The following SPATA16 variants were observed in gnomAD, a reference collection of about 807,000 sequenced individuals.
SPATA16 encodes the protein spermatogenesis associated 16.
In SPATA16, 36 loss-of-function variants were observed where a neutral mutation model predicts 63.3. That is an observed-to-expected ratio of 0.57 (90% CI 0.44 to 0.75). The LOEUF is 0.75. SPATA16 is among the 30% of genes least tolerant of loss of function. The pLI is 0.00. For missense variants in SPATA16, 646 were observed against 679.3 expected (o/e 0.95, Z 0.54); for synonymous variants, 203 against 216.7 (o/e 0.94, Z 0.56).
chr3:173,035,578 G>GA (rs1735698574), intron 3 of SPATA16, among the ~76,000 whole-genome samples: 4 of 152,048 alleles, frequency 2.6e-5, no homozygotes, highest in Admixed American at 2.6e-4. Context: ...TTTTATGAAA[G>GA]AAACTACTAA....
chr3:173,033,901 C>G (rs1454155386), intron 3 of SPATA16, among the ~76,000 whole-genome samples: 1 of 152,006 alleles, frequency 6.6e-6, no homozygotes, highest in Non-Finnish European at 1.5e-5. Context: ...GACGGGGTTT[C>G]ACTATGTTGG....
At chr3:173,020,082 G>A (rs1735289625) in intron 3 of SPATA16, among the ~76,000 whole-genome samples, 1 of 151,978 alleles carries the variant, frequency 6.6e-6, no homozygotes, top group South Asian at 2.1e-4. Flanking sequence ...GATCACCTGA[G>A]GTCATGAGTT....
intron 2 of SPATA16, among the ~76,000 whole-genome samples, chr3:173,071,682 A>G (rs1426855369): frequency 6.6e-6 from 1 of 152,202 alleles, no homozygotes. Context: ...AGACATGCAA[A>G]TGGCCAACAG....
intron 2 of SPATA16, among the ~76,000 whole-genome samples, chr3:173,082,589 T>A (rs1736950519): frequency 6.6e-6 from 1 of 152,184 alleles, no homozygotes; most frequent in Non-Finnish European, 1.5e-5. Context: ...CTTCTGCCTG[T>A]GGGAGCAGGT....
intron 3 of SPATA16, among the ~76,000 whole-genome samples, chr3:173,028,488 A>C (rs1318896199): frequency 6.6e-6 from 1 of 151,966 alleles, no homozygotes; most frequent in Non-Finnish European, 1.5e-5. Flanking sequence ...AAGAAATTGA[A>C]AGGATGTCGA....
At chr3:172,899,044 A>T (rs1277954400) in intron 10 of SPATA16, among the ~76,000 whole-genome samples, 4 of 151,970 alleles carry the variant, frequency 2.6e-5, no homozygotes, top group African/African-American at 4.8e-5. Context: ...CACATTCTTT[A>T]TGATTTCAGT....
Position 173,036,516 on chromosome 3 carries a change from A to G in SPATA16, c.758+12433T>C, listed in dbSNP as rs553429941. Among the ~76,000 whole-genome samples, 3 of 152,192 alleles carry G rather than the reference A, an allele frequency of 2.0e-5. No individual in the cohort carries two copies. In the East Asian group the frequency reaches 5.8e-4, roughly 29 times the overall value. ...TAACTCATGAATGGATAAACAATCCAATCAAAGTATAAGATGAACTAATGG... is the reference window on the plus strand; with the variant it reads ...TAACTCATGAATGGATAAACAATCCGATCAAAGTATAAGATGAACTAATGG... On this transcript the variant is annotated intron_variant, in intron 3 of 10. Transcript: ENST00000351008.
At chr3:172,997,398 C>T (rs940543473) in intron 4 of SPATA16, among the ~76,000 whole-genome samples, 1 of 152,074 alleles carries the variant, frequency 6.6e-6, no homozygotes, top group African/African-American at 2.4e-5. Flanking sequence ...TGAGTACTTG[C>T]CACCTGTATA....
At chr3:173,060,063 C>A (rs1173028958) in intron 2 of SPATA16, among the ~76,000 whole-genome samples, 2 of 151,778 alleles carry the variant, frequency 1.3e-5, no homozygotes, top group African/African-American at 2.4e-5. Flanking sequence ...TTGAGACCAG[C>A]CTGGCCAACA....
intron 1 of SPATA16, among the ~76,000 whole-genome samples, chr3:173,129,169 T>C (rs1428060016): frequency 6.6e-6 from 1 of 152,194 alleles, no homozygotes; most frequent in Non-Finnish European, 1.5e-5. Context: ...ATAAATAAAA[T>C]GGATTGTGCT....
intron 6 of SPATA16, among the ~76,000 whole-genome samples, chr3:172,930,553 CTTTTTTT>C (rs34780432): frequency 4.1e-4 from 36 of 87,390 alleles, no homozygotes; most frequent in African/African-American, 1.2e-3. Context: ...CATTCAAACT[CTTTTTTT>C]TTTTTTTTTT....
chr3:173,135,802 G>A (rs1180685597), intron 1 of SPATA16, among the ~76,000 whole-genome samples: 2 of 152,184 alleles, frequency 1.3e-5, no homozygotes, highest in Non-Finnish European at 1.5e-5. Flanking sequence ...AACTCGAATG[G>A]AACAGGGGGA....
chr3:172,920,674 A>C (rs914015470), intron 8 of SPATA16, among the ~76,000 whole-genome samples: 17 of 152,330 alleles, frequency 1.1e-4, no homozygotes, highest in African/African-American at 3.1e-4. Flanking sequence ...CTTTTTTCTA[A>C]TTAGATATTA....
chr3:173,120,316 G>A (rs1328502833), intron 1 of SPATA16, among the ~76,000 whole-genome samples: 1 of 152,152 alleles, frequency 6.6e-6, no homozygotes, highest in Admixed American at 6.5e-5. Flanking sequence ...CTCCGGCTAT[G>A]CATCTATATC....
At chr3:172,976,396 C>A (rs1181754366) in intron 5 of SPATA16, among the ~76,000 whole-genome samples, 1 of 152,002 alleles carries the variant, frequency 6.6e-6, no homozygotes, top group Non-Finnish European at 1.5e-5. Context: ...TGAGATTGAA[C>A]TAATAAATCC....
intron 2 of SPATA16, among the ~76,000 whole-genome samples, chr3:173,106,986 G>A (rs1015040662): frequency 2.0e-5 from 3 of 152,138 alleles, no homozygotes; most frequent in Non-Finnish European, 4.4e-5. Context: ...CACACAGTTT[G>A]TGTTCATATT....
intron 5 of SPATA16, among the ~76,000 whole-genome samples, chr3:172,976,127 G>C (rs971440981): frequency 6.6e-6 from 1 of 152,094 alleles, no homozygotes; most frequent in Non-Finnish European, 1.5e-5. Context: ...GGCTTTTGTA[G>C]TTGATTTTCA....
intron 1 of SPATA16, among the ~76,000 whole-genome samples, chr3:173,130,077 A>G (rs1738331141): frequency 6.6e-6 from 1 of 152,104 alleles, no homozygotes; most frequent in Non-Finnish European, 1.5e-5. Flanking sequence ...CAAATCCTAT[A>G]ATCGCCCGGG....
At chr3:173,002,701 G>A (rs1734852843) in intron 4 of SPATA16, among the ~76,000 whole-genome samples, 1 of 152,196 alleles carries the variant, frequency 6.6e-6, no homozygotes, top group Admixed American at 6.5e-5. Context: ...ATACAGCATA[G>A]TGTGGTTTGG....
Sources: gnomAD v4.1 joint callset for allele counts (sites outside exome capture counted in the v4.1 genomes callset) on GRCh38, gnomAD v4.1.1 for gene constraint, MANE v1.5 for transcripts, NCBI Gene and HGNC (gene_info 2026-07-23, HGNC 2026-07-21) for gene names.